The following EBF3 variants were observed in gnomAD, a reference collection of about 807,000 sequenced individuals.
EBF3 encodes EBF transcription factor 3.
Under a neutral mutation model 77.1 loss-of-function variants are expected in EBF3, and 18 were observed. The observed-to-expected ratio is 0.23, with a 90% CI of 0.16 to 0.35. The LOEUF (loss-of-function observed/expected upper bound fraction) is 0.35. EBF3 is among the 10% of genes least tolerant of loss of function. The probability of loss-of-function intolerance (pLI) is 1.00; values close to 1 mark genes in which losing one functional copy is unlikely to be tolerated. For missense variants in EBF3, 558 were observed against 860.0 expected, an observed-to-expected ratio of 0.65 and a Z score of 4.39; for synonymous variants, 350 against 343.5, an observed-to-expected ratio of 1.02 and a Z score of -0.21.
At chr10:129,884,526 C>G (rs1045606436) in intron 6 of EBF3, among the ~76,000 whole-genome samples, 6 of 152,168 alleles carry the variant, frequency 3.9e-5, no homozygotes, top group Non-Finnish European at 5.9e-5. Flanking sequence ...GCTTTAACAC[C>G]AGACTTATTA....
chr10:129,873,376 A>G, intron 8 of EBF3, 76 bp downstream of exon 8: 2 of 1,400,638 alleles, frequency 1.4e-6, no homozygotes, highest in Non-Finnish European at 1.9e-6. Flanking sequence ...GAGTAACTCC[A>G]CATGAATGAA....
Position 129,841,674 on chromosome 10 carries a change from G to A in EBF3, c.1372+442C>T, listed in dbSNP as rs1850067350. ...GGCCCAGGACACTGCACTGTGGGAT[G>A]GGGTGCGGGGTGGGGAAATGGGGGT... On this transcript the variant is annotated intron_variant, in intron 13 of 16. Coordinates refer to ENST00000440978, the MANE Select transcript of EBF3 (RefSeq NM_001375380.1). This position sits in a 1 kb window ranked among gnomAD's most constrained non-coding sequence, Gnocchi z 4.6. 6.6e-6 allele frequency among the ~76,000 whole-genome samples: 1 copy of A among 152,140 alleles called. No homozygotes were observed. Among genetic ancestry groups the A allele is most frequent in the South Asian group, 2.1e-4 (1 of 4,828 alleles).
At position 129,867,892 on chromosome 10, in the gene EBF3, T is replaced by C; in HGVS notation, c.802A>G (p.Ile268Val). 1 of 1,614,208 alleles carries C rather than the reference T, an allele frequency of 6.2e-7. No individual in the cohort carries two copies. Residue 268 changes from isoleucine (I) to valine (V), a missense_variant, in exon 9 of 17, where the codon ATC becomes GTC. Physicochemically the swap from Ile to Val is conservative, Grantham distance 29. Transcript: ENST00000440978. ...LENATPCIKA[I>V]SPSEGWTTGG... Reference sequence around the variant, plus strand: ...GTGGTCCAGCCTTCACTGGGACTGATGGCCTTGATGCACGGAGTGGCTGCT... The same window carrying C: ...GTGGTCCAGCCTTCACTGGGACTGACGGCCTTGATGCACGGAGTGGCTGCT...
At chr10:129,873,697 A>G in intron 7 of EBF3, 101 bp from the exon 8 acceptor site, 1 of 1,248,668 alleles carries the variant, frequency 8.0e-7, no homozygotes, top group Non-Finnish European at 1.0e-6. Flanking sequence ...GAGCACAAGG[A>G]AATTTCACGT....
At chr10:129,918,603 C>T (rs1422960936) in intron 6 of EBF3, among the ~76,000 whole-genome samples, 3 of 152,220 alleles carry the variant, frequency 2.0e-5, no homozygotes, top group Non-Finnish European at 4.4e-5. Context: ...CCTGTGTGTT[C>T]GCATGGTTGT....
chr10:129,839,153 T>A lies in EBF3; in HGVS notation c.1802A>T (p.Asn601Ile). ...GCCACCGACTTCACAAAAGGGCCAGTTTGTCTTCTCCGCGGCTACGTCCTC... is the reference window on the plus strand; with the variant it reads ...GCCACCGACTTCACAAAAGGGCCAGATTGTCTTCTCCGCGGCTACGTCCTC... ...GAEDVAAEKT[N>I]WPFCEVGGIF... Residue 601 changes from asparagine (N) to isoleucine (I), a missense_variant, in exon 16 of 17, where the codon AAC becomes ATC. Transcript: ENST00000440978. 2 of 1,304,436 alleles carry A rather than the reference T, an allele frequency of 1.5e-6. No individual in the cohort carries two copies. The highest frequency in any genetic ancestry group is 2.0e-6 in the Non-Finnish European group (2 of 988,988). 80.8% of individuals were successfully genotyped at this position (1,304,436 alleles called of 1,614,324 possible).
rs374795555 is a variant in EBF3, at chr10:129,873,566, C to T, written c.667G>A (p.Gly223Ser). Residue 223 changes from glycine (G) to serine (S), a missense_variant, in exon 8 of 17, where the codon GGC (glycine) becomes AGC (serine). By Grantham distance (56) the Gly-to-Ser change is moderately conservative. Transcript: ENST00000440978. ...VVVSTTVNVD[G>S]HVLAVSDNMF... is the part of the protein sequence containing the mutation. Reference sequence around the variant, plus strand: ...TTGTCTGACACGGCCAGCACGTGGCCGTCCACGTTGACTGTTGTCGATACA... The same window carrying T: ...TTGTCTGACACGGCCAGCACGTGGCTGTCCACGTTGACTGTTGTCGATACA... The T allele has an allele frequency of 7.7e-6, 12 of 1,562,804 alleles. No individual in the cohort carries two copies. The East Asian group carries it at 9.4e-5, about 12-fold the overall frequency.
At chr10:129,894,037 G>A (rs1038181857) in intron 6 of EBF3, among the ~76,000 whole-genome samples, 3 of 152,126 alleles carry the variant, frequency 2.0e-5, no homozygotes, top group Non-Finnish European at 2.9e-5. Flanking sequence ...GAATAATTTC[G>A]GTAAAGGCTT....
intron 8 of EBF3, among the ~76,000 whole-genome samples, chr10:129,873,207 G>A (rs1262327647): frequency 1.3e-5 from 2 of 152,192 alleles, no homozygotes; most frequent in Non-Finnish European, 2.9e-5. Flanking sequence ...GCAAAAGAAC[G>A]CCTGGAAACA....
chr10:129,908,985 T>C (rs1855334964), intron 6 of EBF3, among the ~76,000 whole-genome samples: 1 of 152,238 alleles, frequency 6.6e-6, no homozygotes, highest in South Asian at 2.1e-4. Context: ...TAGTCAGAGT[T>C]AACAATGTGG....
intron 10 of EBF3, among the ~76,000 whole-genome samples, chr10:129,856,598 G>A (rs773381382): frequency 3.3e-5 from 5 of 152,162 alleles, no homozygotes; most frequent in African/African-American, 9.7e-5. Context: ...GGAAAACCAA[G>A]GCACAGGCTG....
intron 6 of EBF3, among the ~76,000 whole-genome samples, chr10:129,932,510 T>C (rs755316428): frequency 3.9e-5 from 6 of 152,238 alleles, no homozygotes; most frequent in Non-Finnish European, 7.3e-5. Context: ...ACCTTCAAAG[T>C]TGATTCCCAT....
At chr10:129,936,472 T>G (rs1182480759) in intron 6 of EBF3, among the ~76,000 whole-genome samples, 1 of 152,156 alleles carries the variant, frequency 6.6e-6, no homozygotes, top group African/African-American at 2.4e-5. Context: ...GGCTGGCCTG[T>G]CAGGGGACCC....
In EBF3 at chr10:129,943,193, G is replaced by A. The variant is rs1347193773; in HGVS notation, c.554+14065C>T. On this transcript the variant is annotated intron_variant, in intron 6 of 16. Coordinates refer to ENST00000440978, the MANE Select transcript of EBF3 (RefSeq NM_001375380.1). The surrounding 1 kb of genome is among the most constrained non-coding windows in gnomAD (Gnocchi z 8.8). ...GAGCTGCCAGGCAGCTCTTCATTGGGGCCAGGCCTGACCCGGCCTTCCCAG... is the reference window on the plus strand; with the variant it reads ...GAGCTGCCAGGCAGCTCTTCATTGGAGCCAGGCCTGACCCGGCCTTCCCAG... Among the ~76,000 whole-genome samples the A allele has an allele frequency of 6.6e-6, 1 of 152,162 alleles. No homozygotes were observed. Among genetic ancestry groups the A allele is most frequent in the Non-Finnish European group, 1.5e-5 (1 of 68,034 alleles).
intron 10 of EBF3, among the ~76,000 whole-genome samples, chr10:129,852,926 GAA>G (rs1168800512): frequency 6.6e-6 from 1 of 152,228 alleles, no homozygotes; most frequent in Non-Finnish European, 1.5e-5. Context: ...AGAGCAGAGG[GAA>G]CTGCTGCAAG....
intron 8 of EBF3, among the ~76,000 whole-genome samples, chr10:129,872,200 G>A (rs1852450910): frequency 1.3e-5 from 2 of 152,194 alleles, no homozygotes; most frequent in Admixed American, 1.3e-4. Context: ...GCGAGGAACT[G>A]AGGACCGGGG....
At chr10:129,843,282 C>CG in intron 11 of EBF3, 80 bp from the exon 12 acceptor site, 1 of 1,468,736 alleles carries the variant, frequency 6.8e-7, no homozygotes, top group Non-Finnish European at 9.3e-7. Context: ...GTTCCGTCTG[C>CG]GGGTGTGGAG....
intron 6 of EBF3, among the ~76,000 whole-genome samples, chr10:129,932,343 C>G (rs376326811): frequency 1.7e-4 from 26 of 152,214 alleles, no homozygotes; most frequent in African/African-American, 5.8e-4. Context: ...AGCCCTCACC[C>G]CTGCAACAAG....
At chr10:129,941,863 G>C (rs1857767474) in intron 6 of EBF3, among the ~76,000 whole-genome samples, 3 of 151,810 alleles carry the variant, frequency 2.0e-5, no homozygotes, top group Admixed American at 6.6e-5. Context: ...GCAGACAGCA[G>C]CCATTTGCGG....
Sources: allele counts gnomAD v4.1 joint callset (sites outside exome capture counted in the v4.1 genomes callset), GRCh38; gene constraint gnomAD v4.1.1; non-coding constraint Gnocchi (gnomAD v3.1); transcripts MANE v1.5; gene names NCBI Gene and HGNC (gene_info 2026-07-23, HGNC 2026-07-21).